CTNNA3: variants seen among roughly 807,000 people sequenced by gnomAD.
CTNNA3 encodes the protein catenin alpha 3.
Under a neutral mutation model 95.7 loss-of-function variants are expected in CTNNA3, and 76 were observed. The ratio of observed to expected loss-of-function variants is 0.79; its 90% CI spans 0.66 to 0.96. The LOEUF is 0.96. Ranked by LOEUF, CTNNA3 falls within the 40% of genes least tolerant of loss-of-function variation. CTNNA3 has a pLI of 0.00. For synonymous variants in CTNNA3, 431 were observed against 374.4 expected (o/e 1.15, Z -1.74); for missense variants, 1,191 against 1,089.8 (o/e 1.09, Z -1.31).
intron 9 of CTNNA3, among the ~76,000 whole-genome samples, chr10:66,664,102 T>C (rs1589091854): frequency 6.6e-6 from 1 of 152,132 alleles, no homozygotes; most frequent in Non-Finnish European, 1.5e-5. Context: ...ATATTTTATA[T>C]TAATTTTTTA....
chr10:66,749,588 C>G (rs1197075536), intron 9 of CTNNA3, among the ~76,000 whole-genome samples: 1 of 152,108 alleles, frequency 6.6e-6, no homozygotes, highest in African/African-American at 2.4e-5. Flanking sequence ...TGGATATACC[C>G]CGGTTTATTT....
chr10:66,861,453 T>C (rs1843924777), intron 7 of CTNNA3, among the ~76,000 whole-genome samples: 1 of 152,178 alleles, frequency 6.6e-6, no homozygotes, highest in African/African-American at 2.4e-5. Context: ...GAGTGAGCCC[T>C]GCATGTAATG....
chr10:66,961,499 T>G (rs1925563), intron 7 of CTNNA3, among the ~76,000 whole-genome samples: 1 of 152,164 alleles, frequency 6.6e-6, no homozygotes, highest in African/African-American at 2.4e-5. Flanking sequence ...GACTCTCTTG[T>G]GAAGTTCTCT....
At chr10:66,686,370 G>T (rs1287249571) in intron 9 of CTNNA3, among the ~76,000 whole-genome samples, 4 of 152,204 alleles carry the variant, frequency 2.6e-5, no homozygotes, top group Non-Finnish European at 4.4e-5. Context: ...GGCTGAGGTA[G>T]GAGGATCAAT....
chr10:66,146,994 G>T (rs2083918599), intron 13 of CTNNA3, among the ~76,000 whole-genome samples: 1 of 152,154 alleles, frequency 6.6e-6, no homozygotes, highest in South Asian at 2.1e-4. Context: ...AGAAAGAAAT[G>T]CTTTTGTTCT....
At chr10:67,267,742 T>G (rs1866887907) in intron 5 of CTNNA3, among the ~76,000 whole-genome samples, 1 of 152,148 alleles carries the variant, frequency 6.6e-6, no homozygotes. Flanking sequence ...AAGAAACAAT[T>G]AAAAGATTTA....
intron 11 of CTNNA3, among the ~76,000 whole-genome samples, chr10:66,474,619 C>A (rs1040402704): frequency 1.3e-5 from 2 of 151,938 alleles, no homozygotes; most frequent in African/African-American, 4.8e-5. Flanking sequence ...GAGAGACTTA[C>A]ATTCTGTTTT....
intron 5 of CTNNA3, among the ~76,000 whole-genome samples, chr10:67,392,767 G>T (rs1457231286): frequency 5.3e-5 from 8 of 152,168 alleles, no homozygotes; most frequent in African/African-American, 1.9e-4. Flanking sequence ...GGACATGGAT[G>T]AAATTGGAAA....
In CTNNA3 at chr10:66,071,971, C is replaced by T. The variant is rs574997199; in HGVS notation, c.1978-2482G>A. On this transcript the variant is annotated intron_variant, in intron 14 of 17. Coordinates refer to ENST00000433211, the MANE Select transcript of CTNNA3 (RefSeq NM_013266.4). ...ACTAATTTAACTCTAAAAGAGAGGTCGGCAGAATTTTTCTATAAAGGACAA... is the reference window on the plus strand; with the variant it reads ...ACTAATTTAACTCTAAAAGAGAGGTTGGCAGAATTTTTCTATAAAGGACAA... 7.0e-4 allele frequency among the ~76,000 whole-genome samples: 106 copies of T among 152,202 alleles called. 1 individual carries two copies. The highest frequency in any genetic ancestry group is 2.2e-3 in the African/African-American group (93 of 41,536).
intron 13 of CTNNA3, among the ~76,000 whole-genome samples, chr10:66,217,921 A>T (rs1481571761): frequency 4.6e-5 from 3 of 65,464 alleles, no homozygotes; most frequent in Non-Finnish European, 6.8e-5. Flanking sequence ...GAAGTCTGTC[A>T]CCTCCTAACT....
chr10:67,352,990 G>A (rs1842687331), intron 5 of CTNNA3, among the ~76,000 whole-genome samples: 1 of 151,952 alleles, frequency 6.6e-6, no homozygotes, highest in Non-Finnish European at 1.5e-5. Context: ...GCAAAACAGT[G>A]GGAAGGAAAA....
chr10:66,010,748 G>A (rs1269303496), intron 15 of CTNNA3, among the ~76,000 whole-genome samples: 1 of 152,156 alleles, frequency 6.6e-6, no homozygotes, highest in African/African-American at 2.4e-5. Context: ...CTAATTGTAG[G>A]GAAAGTGTGT....
intron 1 of CTNNA3, among the ~76,000 whole-genome samples, chr10:67,729,125 A>G (rs1453427917): frequency 2.0e-5 from 3 of 152,166 alleles, no homozygotes; most frequent in African/African-American, 7.2e-5. Flanking sequence ...GAAGGGAAAA[A>G]TACTTTAAAA....
At chr10:66,432,232 T>G (rs1270590798) in intron 11 of CTNNA3, among the ~76,000 whole-genome samples, 1 of 152,174 alleles carries the variant, frequency 6.6e-6, no homozygotes, top group Non-Finnish European at 1.5e-5. Context: ...AAAACTAAAT[T>G]GTATCAAAAG....
At chr10:66,377,472 T>C (rs2092804234) in intron 12 of CTNNA3, among the ~76,000 whole-genome samples, 1 of 152,098 alleles carries the variant, frequency 6.6e-6, no homozygotes, top group African/African-American at 2.4e-5. Flanking sequence ...TGTTTCATTA[T>C]TTTCTGATCT....
chr10:66,803,603 T>C (rs562008939), intron 7 of CTNNA3, among the ~76,000 whole-genome samples: 44 of 152,032 alleles, frequency 2.9e-4, no homozygotes, highest in Non-Finnish European at 5.9e-4. Context: ...GAACCATTTA[T>C]TGAATAGACA....
intron 7 of CTNNA3, among the ~76,000 whole-genome samples, chr10:66,914,223 C>T (rs570648244): frequency 1.3e-5 from 2 of 151,248 alleles, no homozygotes; most frequent in East Asian, 3.9e-4. Flanking sequence ...CTCTGCCTCC[C>T]AGGTTGACGC....
At chr10:67,230,932 G>A (rs533267514) in intron 5 of CTNNA3, among the ~76,000 whole-genome samples, 23 of 152,164 alleles carry the variant, frequency 1.5e-4, no homozygotes, top group African/African-American at 4.6e-4. Context: ...CTGGAAGATC[G>A]GGTCACTCCC....
Position 66,651,866 on chromosome 10 carries a change from C to T in CTNNA3, c.1282-30082G>A, listed in dbSNP as rs150167401. Among the ~76,000 whole-genome samples the T allele has an allele frequency of 4.2e-3, 627 of 150,928 alleles. 1 individual carries two copies. Among genetic ancestry groups the T allele is most frequent in the Non-Finnish European group, 5.4e-3 (363 of 67,790 alleles). On this transcript the variant is annotated intron_variant, in intron 9 of 17. Transcript: ENST00000433211. ...AAGGAAAGGGAGCCGGCTCCTGCCT[C>T]GGCCAGCCCAGAGAGGGGCTCCCAC...
Sources: gnomAD v4.1 joint callset for allele counts (sites outside exome capture counted in the v4.1 genomes callset) on GRCh38, gnomAD v4.1.1 for gene constraint, MANE v1.5 for transcripts, NCBI Gene and HGNC (gene_info 2026-07-23, HGNC 2026-07-21) for gene names.